The following DACH1 variants were observed in gnomAD, a reference collection of about 807,000 sequenced individuals.
The protein encoded by DACH1 is dachshund family transcription factor 1.
DACH1 carries 12 observed loss-of-function variants against 54.2 expected under a neutral mutation model. The ratio of observed to expected loss-of-function variants is 0.22; its 90% confidence interval spans 0.14 to 0.36. The LOEUF is 0.36. Among genes scored for constraint, DACH1 ranks in the 10% least tolerant of loss-of-function variants. The pLI is 1.00. For missense variants in DACH1, 805 were observed against 929.8 expected (o/e 0.87, Z 1.75); for synonymous variants, 386 against 366.2 (o/e 1.05, Z -0.62).
chr13:71,632,436 T>C (rs1028351406), intron 2 of DACH1, among the ~76,000 whole-genome samples: 1 of 142,482 alleles, frequency 7.0e-6, no homozygotes, highest in African/African-American at 2.6e-5. Flanking sequence ...TTTTTTTTTT[T>C]ACTGTGGCTT....
At chr13:71,752,211 C>A (rs1051261058) in intron 1 of DACH1, among the ~76,000 whole-genome samples, 3 of 152,214 alleles carry the variant, frequency 2.0e-5, no homozygotes, top group Middle Eastern at 3.4e-3. Context: ...TCCTTCTGAG[C>A]TATTACAGTG....
chr13:71,535,430 TAAAG>T (rs1227796919), intron 6 of DACH1, among the ~76,000 whole-genome samples: 1 of 151,936 alleles, frequency 6.6e-6, no homozygotes, highest in Non-Finnish European at 1.5e-5. Flanking sequence ...AACTCAAAAA[TAAAG>T]AGTGATTGTG....
At chr13:71,709,452 G>C (rs1882606984) in intron 1 of DACH1, among the ~76,000 whole-genome samples, 1 of 151,992 alleles carries the variant, frequency 6.6e-6, no homozygotes, top group Non-Finnish European at 1.5e-5. Flanking sequence ...GTCCCACCGA[G>C]ACGTGAATTG....
intron 1 of DACH1, among the ~76,000 whole-genome samples, chr13:71,778,285 CAATT>C (rs1354599695): frequency 6.6e-6 from 1 of 151,964 alleles, no homozygotes; most frequent in Admixed American, 6.6e-5. Flanking sequence ...AGATTTCTGA[CAATT>C]AACTCACTAA....
chr13:71,676,916 C>G (rs1293068866), intron 2 of DACH1, among the ~76,000 whole-genome samples: 1 of 152,080 alleles, frequency 6.6e-6, no homozygotes, highest in Non-Finnish European at 1.5e-5. Flanking sequence ...ATCCAACAGA[C>G]AAAACTACAA....
intron 3 of DACH1, among the ~76,000 whole-genome samples, chr13:71,605,628 AC>A (rs1874822148): frequency 6.6e-6 from 1 of 152,042 alleles, no homozygotes; most frequent in Admixed American, 6.6e-5. Flanking sequence ...AATGTTTTCA[AC>A]AAAAACATTG....
chr13:71,581,179 C>T (rs907030737), intron 3 of DACH1, among the ~76,000 whole-genome samples: 12 of 151,898 alleles, frequency 7.9e-5, no homozygotes, highest in Non-Finnish European at 1.3e-4. Context: ...GCAATAAAAG[C>T]GTTCAGATAC....
intron 1 of DACH1, among the ~76,000 whole-genome samples, chr13:71,856,598 T>C (rs963669893): frequency 3.3e-5 from 5 of 151,982 alleles, no homozygotes; most frequent in African/African-American, 1.2e-4. Flanking sequence ...GAATACTGTG[T>C]ACAAGGTTTT....
At chr13:71,813,102 C>T (rs1016743397) in intron 1 of DACH1, among the ~76,000 whole-genome samples, 8 of 152,094 alleles carry the variant, frequency 5.3e-5, no homozygotes, top group African/African-American at 1.7e-4. Context: ...ATATAATGGA[C>T]TTTATTCATT....
chr13:71,568,130 A>T (rs1212564580), intron 4 of DACH1, among the ~76,000 whole-genome samples: 2 of 152,054 alleles, frequency 1.3e-5, no homozygotes, highest in Non-Finnish European at 2.9e-5. Context: ...ATAGTCTGGG[A>T]TGTTAATACT....
intron 1 of DACH1, among the ~76,000 whole-genome samples, chr13:71,795,316 TC>T (rs1887000780): frequency 6.6e-6 from 1 of 152,162 alleles, no homozygotes; most frequent in South Asian, 2.1e-4. Flanking sequence ...TTAATGCTTC[TC>T]CCAAATTCCA....
chr13:71,731,331 G>A (rs1239149115), intron 1 of DACH1, among the ~76,000 whole-genome samples: 4 of 137,036 alleles, frequency 2.9e-5, no homozygotes, highest in South Asian at 2.3e-4. Flanking sequence ...TCGCTCTGTC[G>A]CCCAGGCTGG....
intron 3 of DACH1, among the ~76,000 whole-genome samples, chr13:71,602,842 T>C (rs992660078): frequency 2.2e-4 from 33 of 151,932 alleles, no homozygotes; most frequent in Admixed American, 1.9e-3. Context: ...ATCGTTACTA[T>C]CCCAGGGGGA....
At chr13:71,530,811 G>A (rs1882366730) in intron 6 of DACH1, among the ~76,000 whole-genome samples, 2 of 152,114 alleles carry the variant, frequency 1.3e-5, no homozygotes, top group Non-Finnish European at 2.9e-5. Context: ...AATAAGTGTA[G>A]AAAGGTAAAG....
At chr13:71,537,270 G>A (rs989599248) in intron 6 of DACH1, among the ~76,000 whole-genome samples, 4 of 151,992 alleles carry the variant, frequency 2.6e-5, no homozygotes, top group African/African-American at 7.2e-5. Flanking sequence ...TCATTCAGCC[G>A]CAGTTCAAAT....
chr13:71,752,339 T>C (rs1884963879), intron 1 of DACH1, among the ~76,000 whole-genome samples: 1 of 152,190 alleles, frequency 6.6e-6, no homozygotes. Context: ...CAAAGAACTA[T>C]AGTCTTGGTT....
At chr13:71,628,691 C>T (rs1422834553) in intron 3 of DACH1, among the ~76,000 whole-genome samples, 2 of 151,964 alleles carry the variant, frequency 1.3e-5, no homozygotes, top group African/African-American at 4.8e-5. Context: ...TAAGTCATTG[C>T]GATAGGCTAC....
At chr13:71,761,972 C>T (rs1287457915) in intron 1 of DACH1, among the ~76,000 whole-genome samples, 1 of 151,996 alleles carries the variant, frequency 6.6e-6, no homozygotes, top group African/African-American at 2.4e-5. Context: ...AGGAGTGTTA[C>T]TAGCAATACT....
Position 71,533,453 on chromosome 13 carries a change from G to A in DACH1, c.1570+23571C>T, listed in dbSNP as rs1882549663. ...CTTATTTGCCTAATTTTCCTCAGTG[G>A]CTTAAATTAGGCTTAAATACTATGA... is the stretch of plus-strand genomic sequence containing the variant. On this transcript the variant is annotated intron_variant, in intron 6 of 10. Transcript: ENST00000613252. Among the ~76,000 whole-genome samples the A allele has an allele frequency of 2.6e-5, 4 of 152,000 alleles. No individual in the cohort carries two copies. The South Asian group carries it at 8.3e-4, about 32-fold the overall frequency.
Sources: allele counts gnomAD v4.1 joint callset (sites outside exome capture counted in the v4.1 genomes callset), GRCh38; gene constraint gnomAD v4.1.1; transcripts MANE v1.5; gene names NCBI Gene and HGNC (gene_info 2026-07-23, HGNC 2026-07-21).